CD109: variants seen among roughly 807,000 people sequenced by gnomAD.
The protein encoded by CD109 is CD109 antigen.
In CD109, 149 loss-of-function variants were observed where a neutral mutation model predicts 165.8. That is an observed-to-expected ratio of 0.90 (90% CI 0.79 to 1.03). The LOEUF (loss-of-function observed/expected upper bound fraction) is 1.03, where lower values mean the gene tolerates loss of function less well. Ranked by LOEUF, CD109 falls within the 50% of genes least tolerant of loss-of-function variation. CD109 has a pLI of 0.00. For synonymous variants in CD109, 585 were observed against 592.1 expected (o/e 0.99, Z 0.18); for missense variants, 1,712 against 1,677.8 (o/e 1.02, Z -0.36).
At chr6:73,690,124 T>C in the CD109 span, among the ~76,000 whole-genome samples, 105 of 152,364 alleles carry the variant, frequency 6.9e-4, no homozygotes, top group African/African-American at 2.4e-3. Context: ...TCAGTTTTCT[T>C]GTATTTCATT....
chr6:73,821,636 T>C (rs1776109974), intron 32 of CD109, among the ~76,000 whole-genome samples: 1 of 152,036 alleles, frequency 6.6e-6, no homozygotes, highest in South Asian at 2.1e-4. Flanking sequence ...AAACCAAATA[T>C]CACATGTTCT....
At chr6:73,722,559 G>A (rs532200474) in intron 2 of CD109, among the ~76,000 whole-genome samples, 2 of 152,266 alleles carry the variant, frequency 1.3e-5, no homozygotes, top group South Asian at 4.1e-4. Flanking sequence ...CTTGCACATT[G>A]TGCTAGTTTT....
At chr6:73,794,406 G>A (rs1775083431) in intron 23 of CD109, among the ~76,000 whole-genome samples, 1 of 152,196 alleles carries the variant, frequency 6.6e-6, no homozygotes, top group African/African-American at 2.4e-5. Flanking sequence ...CGTGTAAGAA[G>A]TCTCACTGGA....
chr6:73,695,282 G>C (rs897547750), upstream of CD109: 1 of 152,298 alleles, frequency 6.6e-6, no homozygotes, highest in African/African-American at 2.4e-5. Context: ...GATGGTGGCA[G>C]TGCCAGAGAG....
At chr6:73,792,076 A>G (rs1196136378) in intron 22 of CD109, among the ~76,000 whole-genome samples, 1 of 152,186 alleles carries the variant, frequency 6.6e-6, no homozygotes, top group African/African-American at 2.4e-5. Flanking sequence ...GTTTAATTTT[A>G]GATTACTAAC....
intron 13 of CD109, among the ~76,000 whole-genome samples, chr6:73,767,489 A>G (rs554838235): frequency 5.3e-4 from 80 of 151,932 alleles, no homozygotes; most frequent in Non-Finnish European, 9.0e-4. Context: ...ATCATCTTAA[A>G]TGGTGTCTAC....
upstream of CD109, among the ~76,000 whole-genome samples, chr6:73,692,767 C>T (rs375286263): frequency 3.6e-3 from 544 of 152,154 alleles, 5 homozygotes; most frequent in South Asian, 0.021. Context: ...ATAAATTTCA[C>T]GAAATATGAT....
At chr6:73,706,310 G>T (rs1771263267) in intron 2 of CD109, among the ~76,000 whole-genome samples, 1 of 152,106 alleles carries the variant, frequency 6.6e-6, no homozygotes, top group Non-Finnish European at 1.5e-5. Context: ...CCTAAACTGG[G>T]TCACCGCTGG....
intron 15 of CD109, among the ~76,000 whole-genome samples, chr6:73,775,907 C>A (rs1213631629): frequency 6.6e-6 from 1 of 152,158 alleles, no homozygotes; most frequent in Admixed American, 6.5e-5. Context: ...TTTTCTTTAT[C>A]CAGTCTATCA....
chr6:73,787,667 A>G (rs1774748540), intron 21 of CD109, among the ~76,000 whole-genome samples: 1 of 152,210 alleles, frequency 6.6e-6, no homozygotes, highest in South Asian at 2.1e-4. Context: ...GAATGTGACT[A>G]TAAAGACTAA....
chr6:73,756,710 G>C (rs766789009), intron 6 of CD109, 28 bp downstream of exon 6: 3 of 1,441,624 alleles, frequency 2.1e-6, no homozygotes, highest in Non-Finnish European at 2.8e-6. Context: ...TATTTTGGAA[G>C]AAAAAAACAT....
At position 73,773,108 on chromosome 6, in the gene CD109, CGT is replaced by C. The variant is rs930830340; in HGVS notation, c.1827+1534_1827+1535del. 1.6e-3 allele frequency among the ~76,000 whole-genome samples: 237 copies of C among 150,740 alleles called. 1 individual carries two copies. Among genetic ancestry groups the C allele is most frequent in the Middle Eastern group, 6.9e-3 (2 of 288 alleles). On this transcript the variant is annotated intron_variant, in intron 15 of 32. Coordinates refer to ENST00000287097, the MANE Select transcript of CD109 (RefSeq NM_133493.5). Reference sequence around the variant, plus strand: ...ATATGTGTATGTTTGTGTGTGTGTACGTGTGTGTATACATACACATACACACA... The same window carrying C: ...ATATGTGTATGTTTGTGTGTGTGTACGTGTGTATACATACACATACACACA...
chr6:73,757,229 C>T (rs1345602641), intron 6 of CD109, among the ~76,000 whole-genome samples: 1 of 152,080 alleles, frequency 6.6e-6, no homozygotes, highest in Admixed American at 6.5e-5. Flanking sequence ...GTTGCACATG[C>T]AGTTTTTCAT....
chr6:73,714,782 A>C (rs1047723102), intron 2 of CD109, among the ~76,000 whole-genome samples: 3 of 152,238 alleles, frequency 2.0e-5, no homozygotes, highest in African/African-American at 7.2e-5. Context: ...GAGAAACTTC[A>C]TGGAAGAAGA....
intron 7 of CD109, 35 bp downstream of exon 7, chr6:73,759,063 C>T (rs903553438): frequency 3.0e-6 from 4 of 1,337,904 alleles, no homozygotes; most frequent in Non-Finnish European, 4.3e-6. Context: ...TGACTCAAAA[C>T]CATTATAAAA....
At position 73,806,929 on chromosome 6, in the gene CD109, T is replaced by A; in HGVS notation, c.3046T>A (p.Trp1016Arg). 6.2e-7 allele frequency: 1 copy of A among 1,614,012 alleles called. No homozygotes were observed. Among genetic ancestry groups the A allele is most frequent in the Non-Finnish European group, 8.5e-7 (1 of 1,179,948 alleles). Reference sequence around the variant, plus strand: ...GAATGTGTTACACAGAACATACACTTGGCTTAAAGGACATCAGAAATCCAA... The same window carrying A: ...GAATGTGTTACACAGAACATACACTAGGCTTAAAGGACATCAGAAATCCAA... ...DQNVLHRTYT[W>R]LKGHQKSNGE... The change falls in exon 25 of 33, where the codon TGG becomes AGG. Residue 1016 changes from tryptophan to arginine, a missense_variant. Coordinates refer to ENST00000287097, the MANE Select transcript of CD109 (RefSeq NM_133493.5).
At chr6:73,816,386 G>A (rs986479336) in intron 30 of CD109, among the ~76,000 whole-genome samples, 2 of 152,044 alleles carry the variant, frequency 1.3e-5, no homozygotes, top group Non-Finnish European at 1.5e-5. Context: ...TGCCAGGCAC[G>A]GCACCAAACA....
At chr6:73,758,142 A>C (rs1260010131) in intron 6 of CD109, among the ~76,000 whole-genome samples, 4 of 152,036 alleles carry the variant, frequency 2.6e-5, no homozygotes, top group South Asian at 2.1e-4. Context: ...TGGTACATTC[A>C]GGGCCATTAG....
At chr6:73,791,114 G>A (rs1774913457) in intron 22 of CD109, among the ~76,000 whole-genome samples, 1 of 112,264 alleles carries the variant, frequency 8.9e-6, no homozygotes, top group African/African-American at 3.5e-5. Flanking sequence ...ACTTTATTTG[G>A]AGGCATATAT....
Sources: gnomAD v4.1 joint callset for allele counts (sites outside exome capture counted in the v4.1 genomes callset) on GRCh38, gnomAD v4.1.1 for gene constraint, MANE v1.5 for transcripts, NCBI Gene and HGNC (gene_info 2026-07-23, HGNC 2026-07-21) for gene names.